Variants in DNAH8 observed in about 807,000 individuals in gnomAD.
DNAH8 encodes the protein axonemal beta dynein heavy chain 8.
In DNAH8, 382 loss-of-function variants were observed where a neutral mutation model predicts 562.1. That is an observed-to-expected ratio of 0.68 (90% CI 0.63 to 0.74). The LOEUF is 0.74. Among genes scored for constraint, DNAH8 ranks in the 30% least tolerant of loss-of-function variants. DNAH8 has a pLI of 0.00. For missense variants in DNAH8, 5,203 were observed against 5,620.4 expected (o/e 0.93, Z 2.37); for synonymous variants, 1,881 against 1,919.4 (o/e 0.98, Z 0.52).
At chr6:38,770,624 T>C in intron 12 of DNAH8, 65 bp downstream of exon 12, 2 of 1,403,854 alleles carry the variant, frequency 1.4e-6, no homozygotes, top group South Asian at 1.6e-5. Context: ...TTGTACTTTA[T>C]GTAGTGCCAT....
intron 47 of DNAH8, among the ~76,000 whole-genome samples, chr6:38,867,365 C>A (rs191127564): frequency 1.3e-5 from 2 of 152,150 alleles, no homozygotes; most frequent in East Asian, 3.9e-4. Flanking sequence ...ACCCATTAAC[C>A]TTTTCTCCAT....
rs9369099 is a variant in DNAH8, at chr6:38,983,787, G to A, written c.12952-419G>A. Among the ~76,000 whole-genome samples, 11 of 152,208 alleles carry A rather than the reference G, an allele frequency of 7.2e-5. No homozygotes were observed. In the East Asian group the frequency reaches 1.2e-3, roughly 16 times the overall value. ...GATAAATAATTTTCTTGTTGTTCTC[G>A]TAATGATTCCAGAAAATACATTACT... On this transcript the variant is annotated intron_variant, in intron 86 of 92. Transcript: ENST00000327475.
chr6:38,858,461 T>A (rs1240822560), intron 42 of DNAH8, among the ~76,000 whole-genome samples: 2 of 152,202 alleles, frequency 1.3e-5, no homozygotes, highest in Admixed American at 1.3e-4. Flanking sequence ...TAGTTTGTAT[T>A]TATTGAAGAT....
At chr6:38,755,359 G>A (rs920865222) in intron 9 of DNAH8, among the ~76,000 whole-genome samples, 6 of 152,064 alleles carry the variant, frequency 3.9e-5, no homozygotes, top group Non-Finnish European at 8.8e-5. Flanking sequence ...TATCCTTGTT[G>A]TACTTGTTCT....
intron 17 of DNAH8, among the ~76,000 whole-genome samples, chr6:38,786,350 G>A (rs1769158610): frequency 6.6e-6 from 1 of 152,170 alleles, no homozygotes; most frequent in South Asian, 2.1e-4. Context: ...CTTTAAAGAA[G>A]ACAGTTTGGG....
At chr6:38,783,472 A>C (rs1187570083) in intron 17 of DNAH8, among the ~76,000 whole-genome samples, 5 of 152,216 alleles carry the variant, frequency 3.3e-5, no homozygotes, top group Non-Finnish European at 7.3e-5. Flanking sequence ...TTCAAATCTC[A>C]GTCCCATTCT....
chr6:38,842,506 G>A lies in DNAH8; in HGVS notation c.4604+1G>A, dbSNP rs1220208058. The A allele has an allele frequency of 6.2e-7, 1 of 1,609,338 alleles. No homozygotes were observed. Among genetic ancestry groups the A allele is most frequent in the Non-Finnish European group, 8.5e-7 (1 of 1,178,820 alleles). On this transcript the variant is annotated splice_donor_variant, in intron 34 of 92. Transcript: ENST00000327475. LOFTEE classifies it high-confidence loss of function. Reference sequence around the variant, plus strand: ...CAGAACTGCTGGAATTTCAAAACAGGTGAGTTTCAATGGAATTTTTTATAA... The same window carrying A: ...CAGAACTGCTGGAATTTCAAAACAGATGAGTTTCAATGGAATTTTTTATAA...
At chr6:38,785,769 T>C (rs1008193080) in intron 17 of DNAH8, among the ~76,000 whole-genome samples, 26 of 152,204 alleles carry the variant, frequency 1.7e-4, no homozygotes, top group African/African-American at 6.0e-4. Context: ...TTCTAATCCA[T>C]CTTAAAAAGA....
intron 78 of DNAH8, 75 bp downstream of exon 78, chr6:38,938,301 T>G (rs1441944038): frequency 1.3e-6 from 2 of 1,503,556 alleles, no homozygotes; most frequent in Non-Finnish European, 1.8e-6. Flanking sequence ...TAGAAATTGC[T>G]TTTTCACTAT....
chr6:38,736,678 A>G (rs917005097), intron 5 of DNAH8, among the ~76,000 whole-genome samples: 3 of 151,612 alleles, frequency 2.0e-5, no homozygotes, highest in Non-Finnish European at 4.4e-5. Context: ...CTGGTAATTT[A>G]TTCCACCAAA....
chr6:38,722,842 T>G lies in DNAH8; in HGVS notation c.33T>G (p.Ser11=), dbSNP rs758575841. The G allele has an allele frequency of 1.2e-5, 20 of 1,605,202 alleles. No homozygotes were observed. The highest frequency in any genetic ancestry group is 1.6e-5 in the Non-Finnish European group (19 of 1,175,928). The change falls in exon 2 of 93, where the codon TCT becomes TCG. Residue 11 remains serine, a synonymous_variant. Transcript: ENST00000327475. The part of the protein sequence containing the change: MEKDAEDGAP[S]EGAEAPPSTE... The stretch of plus-strand genomic sequence containing the variant: ...AGGATGCTGAAGATGGCGCCCCTTC[T>G]GAGGGAGCAGAGGCTCCTCCCTCTA...
intron 32 of DNAH8, among the ~76,000 whole-genome samples, chr6:38,837,289 C>T (rs931430720): frequency 6.6e-6 from 1 of 152,224 alleles, no homozygotes; most frequent in Admixed American, 6.5e-5. Flanking sequence ...TTAGGGTTCT[C>T]GGGAATATGC....
intron 41 of DNAH8, among the ~76,000 whole-genome samples, chr6:38,855,505 C>T (rs1776126153): frequency 6.6e-6 from 1 of 151,898 alleles, no homozygotes; most frequent in Admixed American, 6.6e-5. Context: ...CTCCTTTGTT[C>T]TTTTTTTAAA....
At chr6:39,009,209 T>C (rs1232817902) in intron 89 of DNAH8, among the ~76,000 whole-genome samples, 2 of 152,174 alleles carry the variant, frequency 1.3e-5, no homozygotes, top group Admixed American at 1.3e-4. Context: ...TTGCATTCTT[T>C]TAAAAATTCC....
intron 11 of DNAH8, among the ~76,000 whole-genome samples, chr6:38,765,211 A>T (rs773228193): frequency 6.6e-6 from 1 of 152,220 alleles, no homozygotes; most frequent in African/African-American, 2.4e-5. Context: ...TATTTTGGGA[A>T]TAAACCTCTA....
At position 38,848,733 on chromosome 6, in the gene DNAH8, G is replaced by A. The variant is rs778260503; in HGVS notation, c.5131G>A (p.Val1711Ile). The change falls in exon 37 of 93, where the codon GTA becomes ATA. Residue 1711 changes from valine (V) to isoleucine (I), a missense_variant. By Grantham distance (29) the Val-to-Ile change is conservative (BLOSUM62 3). Coordinates refer to ENST00000327475, the MANE Select transcript of DNAH8 (RefSeq NM_001206927.2). ...AGATATAATTGAAGAGTGGCTCGTA[G>A]TACAGAACCTTTGGGTTTATCTTGA... is the stretch of plus-strand genomic sequence containing the variant. ...SSDIIEEWLV[V>I]QNLWVYLEAV... The A allele has an allele frequency of 6.2e-7, 1 of 1,613,370 alleles. No individual in the cohort carries two copies. Among genetic ancestry groups the A allele is most frequent in the Non-Finnish European group, 8.5e-7 (1 of 1,179,520 alleles).
At chr6:38,752,228 A>G (rs1022591248) in intron 9 of DNAH8, among the ~76,000 whole-genome samples, 2 of 150,584 alleles carry the variant, frequency 1.3e-5, no homozygotes, top group African/African-American at 2.5e-5. Flanking sequence ...CAGTGGTGCT[A>G]TCTCTGCTCA....
chr6:38,790,955 G>A (rs1769686842), intron 20 of DNAH8, among the ~76,000 whole-genome samples: 1 of 152,012 alleles, frequency 6.6e-6, no homozygotes, highest in Non-Finnish European at 1.5e-5. Flanking sequence ...ACTTCACACT[G>A]TAGCTTAGAA....
intron 17 of DNAH8, among the ~76,000 whole-genome samples, chr6:38,784,312 C>T (rs1279137936): frequency 2.6e-5 from 4 of 152,156 alleles, no homozygotes; most frequent in Non-Finnish European, 5.9e-5. Flanking sequence ...ACAACTGAAG[C>T]ATATACTGGT....
Sources: gnomAD v4.1 joint callset for allele counts (sites outside exome capture counted in the v4.1 genomes callset) on GRCh38, gnomAD v4.1.1 for gene constraint, MANE v1.5 for transcripts, NCBI Gene and HGNC (gene_info 2026-07-23, HGNC 2026-07-21) for gene names.